The following CHMP3 variants were observed in gnomAD, a reference collection of about 807,000 sequenced individuals.
CHMP3 encodes charged multivesicular body protein 3, also known as 25.1 protein.
Under a neutral mutation model 27.4 loss-of-function variants are expected in CHMP3, and 8 were observed. The observed-to-expected ratio is 0.29, with a 90% CI of 0.17 to 0.53. The LOEUF is 0.53. CHMP3 is among the 20% of genes least tolerant of loss of function. The pLI is 0.96. For synonymous variants in CHMP3, 86 were observed against 85.5 expected, an observed-to-expected ratio of 1.01 and a Z score of -0.03; for missense variants, 208 against 271.5, an observed-to-expected ratio of 0.77 and a Z score of 1.64.
At chr2:86,538,906 T>C (rs1417070544) in intron 2 of CHMP3, among the ~76,000 whole-genome samples, 5 of 152,220 alleles carry the variant, frequency 3.3e-5, no homozygotes, top group African/African-American at 1.2e-4. Context: ...ACTGTACAGC[T>C]ATATACATTT....
chr2:86,517,795 C>T (rs1422144001), intron 3 of CHMP3, among the ~76,000 whole-genome samples: 2 of 152,012 alleles, frequency 1.3e-5, no homozygotes, highest in Non-Finnish European at 2.9e-5. Flanking sequence ...TTGAGAGACC[C>T]AGGCAAGCGG....
intron 2 of CHMP3, among the ~76,000 whole-genome samples, chr2:86,531,030 T>C (rs1160144470): frequency 3.3e-5 from 5 of 152,370 alleles, no homozygotes; most frequent in East Asian, 3.9e-4. Context: ...TAAGTCGTTT[T>C]ATTGTTGTGG....
chr2:86,535,277 A>T (rs1338257866), intron 2 of CHMP3, among the ~76,000 whole-genome samples: 1 of 151,336 alleles, frequency 6.6e-6, no homozygotes, highest in Non-Finnish European at 1.5e-5. Flanking sequence ...AAAAAAAGGA[A>T]TTATTGATAA....
chr2:86,557,194 C>A lies in CHMP3; in HGVS notation c.45+6110G>T, dbSNP rs145331188. ...AACTTGCTCCTTTCCTGAATTCTCT[C>A]CATTTCAGCTCATGGCACTGCCATT... On this transcript the variant is annotated intron_variant, in intron 1 of 5. Transcript: ENST00000263856. 8.8e-3 allele frequency among the ~76,000 whole-genome samples: 1,336 copies of A among 152,278 alleles called. 15 individuals are homozygous for A. Among genetic ancestry groups the A allele is most frequent in the Non-Finnish European group, 9.3e-3 (632 of 68,036 alleles).
chr2:86,514,242 C>A (rs1457734733), intron 3 of CHMP3, among the ~76,000 whole-genome samples: 1 of 152,170 alleles, frequency 6.6e-6, no homozygotes, highest in South Asian at 2.1e-4. Context: ...GGCCTAGTTC[C>A]ACAATTCTGT....
intron 1 of CHMP3, 47 bp from the exon 2 acceptor site, chr2:86,542,359 T>G: frequency 2.0e-6 from 3 of 1,537,968 alleles, no homozygotes; most frequent in Non-Finnish European, 2.7e-6. Context: ...CCGAAACTCC[T>G]AACTCAATCT....
At chr2:86,536,709 G>A (rs1340897938) in intron 2 of CHMP3, among the ~76,000 whole-genome samples, 3 of 152,168 alleles carry the variant, frequency 2.0e-5, no homozygotes, top group East Asian at 1.9e-4. Context: ...CCTACCTGGA[G>A]TTCACTGAAC....
chr2:86,540,847 T>G (rs958723220), intron 2 of CHMP3: 9 of 115,784 alleles, frequency 7.8e-5, no homozygotes, highest in African/African-American at 3.4e-4. Flanking sequence ...GTTTTGGGTG[T>G]TTTTTTTTTT....
At chr2:86,552,840 A>G in intron 1 of CHMP3, among the ~76,000 whole-genome samples, 1 of 152,228 alleles carries the variant, frequency 6.6e-6, no homozygotes. Context: ...AAGGAACAAG[A>G]TCATGTCCTT....
intron 1 of CHMP3, chr2:86,561,825 C>T (rs1196490499): frequency 6.6e-6 from 1 of 152,166 alleles, no homozygotes; most frequent in Non-Finnish European, 1.5e-5. Context: ...AGTACATATA[C>T]TAGAGACTAG....
Position 86,553,428 on chromosome 2 carries a change from T to C in CHMP3, c.45+9876A>G, listed in dbSNP as rs549649913. ...CTCACTGCAACCTCCGACTCCCTGG[T>C]TAAAGCAATTCTCCTGCCTCAGCCT... is the stretch of plus-strand genomic sequence containing the variant. On this transcript the variant is annotated intron_variant, in intron 1 of 5. Coordinates refer to ENST00000263856, the MANE Select transcript of CHMP3 (RefSeq NM_016079.4). Among the ~76,000 whole-genome samples the C allele has an allele frequency of 2.0e-5, 3 of 152,244 alleles. No homozygotes were observed. In the East Asian group the frequency reaches 5.8e-4, roughly 29 times the overall value.
At chr2:86,561,439 C>T (rs1162010538) in intron 1 of CHMP3, among the ~76,000 whole-genome samples, 1 of 152,176 alleles carries the variant, frequency 6.6e-6, no homozygotes, top group African/African-American at 2.4e-5. Flanking sequence ...AGACCAGCAG[C>T]ATCAACATCA....
chr2:86,534,355 C>T (rs1184891581), intron 2 of CHMP3, among the ~76,000 whole-genome samples: 1 of 151,904 alleles, frequency 6.6e-6, no homozygotes, highest in African/African-American at 2.4e-5. Flanking sequence ...CACCATGACA[C>T]CCAGCAATTT....
At chr2:86,546,403 T>C (rs1246668939) in intron 1 of CHMP3, among the ~76,000 whole-genome samples, 1 of 149,982 alleles carries the variant, frequency 6.7e-6, no homozygotes, top group Non-Finnish European at 1.5e-5. Context: ...TAGGAGAGCT[T>C]GATTTACATT....
chr2:86,524,724 T>C (rs926949617), intron 3 of CHMP3, among the ~76,000 whole-genome samples: 18 of 152,178 alleles, frequency 1.2e-4, no homozygotes, highest in African/African-American at 3.6e-4. Flanking sequence ...GAGGAAAATA[T>C]AGGGACTAGG....
chr2:86,557,070 T>C (rs964973144), intron 1 of CHMP3, among the ~76,000 whole-genome samples: 11 of 152,166 alleles, frequency 7.2e-5, no homozygotes, highest in Non-Finnish European at 1.3e-4. Flanking sequence ...GAGAAAAATA[T>C]TCTTCCAGAA....
intron 4 of CHMP3, among the ~76,000 whole-genome samples, chr2:86,508,169 TAAGAC>T (rs1201045007): frequency 6.6e-6 from 1 of 152,178 alleles, no homozygotes; most frequent in African/African-American, 2.4e-5. Flanking sequence ...CTGGGAGAAC[TAAGAC>T]AATACTTCTG....
At chr2:86,510,595 T>C (rs761915011) in intron 3 of CHMP3, 116 bp from the exon 4 acceptor site, 157 of 1,390,282 alleles carry the variant, frequency 1.1e-4, no homozygotes, top group African/African-American at 2.3e-4. Flanking sequence ...CCGAAGTTAT[T>C]TGTGTGCCTT....
chr2:86,544,827 T>C (rs1227954718), intron 1 of CHMP3, among the ~76,000 whole-genome samples: 7 of 152,256 alleles, frequency 4.6e-5, no homozygotes, highest in South Asian at 4.1e-4. Flanking sequence ...ATCGTCATCA[T>C]GGCCCGTTCT....
Sources: gnomAD v4.1 joint callset for allele counts (sites outside exome capture counted in the v4.1 genomes callset) on GRCh38, gnomAD v4.1.1 for gene constraint, MANE v1.5 for transcripts, NCBI Gene and HGNC (gene_info 2026-07-23, HGNC 2026-07-21) for gene names.